ETV6: variants seen among roughly 807,000 people sequenced by gnomAD.
ETV6 encodes the protein ETS variant transcription factor 6.
Under a neutral mutation model 51.1 loss-of-function variants are expected in ETV6, and 16 were observed. The ratio of observed to expected loss-of-function variants is 0.31; its 90% CI spans 0.21 to 0.48. ETV6 has a LOEUF of 0.48. ETV6 is among the 20% of genes least tolerant of loss of function. The pLI is 0.99. For synonymous variants in ETV6, 240 were observed against 224.1 expected (o/e 1.07, Z -0.64); for missense variants, 458 against 594.8 (o/e 0.77, Z 2.39).
At position 11,891,725 on chromosome 12, in the gene ETV6, C is replaced by A; in HGVS notation, c.*679C>A. ...CTGCCTGCAGTTGAGATTCAGATGCCTTCTGACAGAGTTCAGCCTCTTGGA... is the reference window on the plus strand; with the variant it reads ...CTGCCTGCAGTTGAGATTCAGATGCATTCTGACAGAGTTCAGCCTCTTGGA... On this transcript the variant is annotated 3_prime_UTR_variant, in exon 8 of 8. Transcript: ENST00000396373. The A allele has an allele frequency of 7.0e-6, 3 of 427,864 alleles. No individual in the cohort carries two copies. The highest frequency in any genetic ancestry group is 3.3e-4 in the Middle Eastern group (1 of 3,024). 26.5% of individuals were successfully genotyped at this position (427,864 alleles called of 1,614,324 possible).
At chr12:11,807,202 A>C (rs1402985519) in intron 2 of ETV6, among the ~76,000 whole-genome samples, 1 of 152,266 alleles carries the variant, frequency 6.6e-6, no homozygotes, top group East Asian at 1.9e-4. Flanking sequence ...AGCTCAGTAG[A>C]AACCACTTTC....
chr12:11,827,561 C>A (rs530285886), intron 2 of ETV6, among the ~76,000 whole-genome samples: 22 of 152,260 alleles, frequency 1.4e-4, no homozygotes, highest in African/African-American at 5.1e-4. Flanking sequence ...CCCCACACCT[C>A]CTGTCCACCT....
At chr12:11,870,453 G>A (rs1156411022) in intron 5 of ETV6, among the ~76,000 whole-genome samples, 2 of 152,132 alleles carry the variant, frequency 1.3e-5, no homozygotes, top group Non-Finnish European at 2.9e-5. Flanking sequence ...TTGGAGGCAG[G>A]TGTTGCTGGG....
intron 2 of ETV6, among the ~76,000 whole-genome samples, chr12:11,772,639 G>C (rs1945258690): frequency 6.6e-6 from 1 of 152,208 alleles, no homozygotes; most frequent in South Asian, 2.1e-4. Flanking sequence ...CTATGGACTT[G>C]ATATTGACTA....
At chr12:11,826,160 G>A (rs1242779376) in intron 2 of ETV6, among the ~76,000 whole-genome samples, 3 of 152,054 alleles carry the variant, frequency 2.0e-5, no homozygotes, top group African/African-American at 7.2e-5. Flanking sequence ...ACAAATAGTA[G>A]GGTAGCAGGA....
chr12:11,685,183 T>C (rs1591607294), intron 1 of ETV6, among the ~76,000 whole-genome samples: 1 of 152,314 alleles, frequency 6.6e-6, no homozygotes, highest in South Asian at 2.1e-4. Context: ...GTTATAGTCA[T>C]TTGTAATGTG....
At chr12:11,844,161 T>A (rs1372976862) in intron 3 of ETV6, among the ~76,000 whole-genome samples, 1 of 152,136 alleles carries the variant, frequency 6.6e-6, no homozygotes, top group African/African-American at 2.4e-5. Flanking sequence ...TACTTAGGGT[T>A]ATCCATTGCA....
At chr12:11,814,303 C>T (rs1388669000) in intron 2 of ETV6, among the ~76,000 whole-genome samples, 1 of 152,050 alleles carries the variant, frequency 6.6e-6, no homozygotes, top group African/African-American at 2.4e-5. Context: ...AGGGCAGTAC[C>T]AACTTAAAAT....
At chr12:11,816,308 C>A (rs757083232) in intron 2 of ETV6, among the ~76,000 whole-genome samples, 1 of 152,178 alleles carries the variant, frequency 6.6e-6, no homozygotes, top group Non-Finnish European at 1.5e-5. Flanking sequence ...GCAATGGCGC[C>A]GTCTCGGCTC....
chr12:11,845,450 G>A (rs541462449), intron 3 of ETV6, among the ~76,000 whole-genome samples: 1 of 152,234 alleles, frequency 6.6e-6, no homozygotes, highest in South Asian at 2.1e-4. Context: ...ATATCCAGCT[G>A]TAATTGTCTT....
intron 5 of ETV6, among the ~76,000 whole-genome samples, chr12:11,882,299 C>G (rs1252755302): frequency 6.6e-6 from 1 of 152,310 alleles, no homozygotes; most frequent in South Asian, 2.1e-4. Flanking sequence ...AAAAGATACA[C>G]TGAGCAGGTG....
chr12:11,683,579 T>C (rs1011229071), intron 1 of ETV6, among the ~76,000 whole-genome samples: 2 of 152,170 alleles, frequency 1.3e-5, no homozygotes, highest in African/African-American at 4.8e-5. Flanking sequence ...CACTAGACTG[T>C]ATTATTTTCT....
At chr12:11,664,651 A>C (rs2120661751) in intron 1 of ETV6, among the ~76,000 whole-genome samples, 1 of 152,340 alleles carries the variant, frequency 6.6e-6, no homozygotes, top group South Asian at 2.1e-4. Context: ...ATGCACTAAC[A>C]GACTCTTCCC....
intron 2 of ETV6, among the ~76,000 whole-genome samples, chr12:11,754,598 C>T (rs77355907): frequency 0.031 from 4,650 of 152,356 alleles, 55 homozygotes; most frequent in Middle Eastern, 0.034. Context: ...GCATACAATA[C>T]TGTGTGTTGA....
At chr12:11,848,051 A>G (rs1391616097) in intron 3 of ETV6, among the ~76,000 whole-genome samples, 2 of 152,242 alleles carry the variant, frequency 1.3e-5, no homozygotes, top group Non-Finnish European at 2.9e-5. Flanking sequence ...TAAATACAAA[A>G]GTACTGAAAC....
intron 2 of ETV6, among the ~76,000 whole-genome samples, chr12:11,816,576 G>A (rs560356659): frequency 7.2e-5 from 11 of 152,258 alleles, no homozygotes; most frequent in East Asian, 1.9e-4. Flanking sequence ...TCATTGCCTC[G>A]TTCTTGGTTC....
intron 2 of ETV6, among the ~76,000 whole-genome samples, chr12:11,771,318 G>C (rs1025439207): frequency 6.6e-6 from 1 of 152,214 alleles, no homozygotes; most frequent in East Asian, 1.9e-4. Context: ...ATTGCTGTGT[G>C]TCAACTTTGT....
At chr12:11,884,219 C>T (rs1034781521) in intron 5 of ETV6, among the ~76,000 whole-genome samples, 12 of 152,180 alleles carry the variant, frequency 7.9e-5, no homozygotes, top group South Asian at 2.1e-4. Context: ...GGGAGGCTGT[C>T]GCCTGGATCA....
rs1281326412 is a variant in ETV6 at position 11,869,850 on chromosome 12, T to G, written c.890T>G (p.Leu297Arg). The change falls in exon 5 of 8, where the codon CTG becomes CGG. Residue 297 changes from leucine to arginine, a missense_variant. By Grantham distance (102) the Leu-to-Arg change is moderately radical (BLOSUM62 -2). Around this residue, in one of 4 missense-constraint regions of ETV6, gnomAD observed 293 missense variants for 315.7 expected, o/e 0.93. Coordinates refer to ENST00000396373, the MANE Select transcript of ETV6 (RefSeq NM_001987.5). The surrounding 1 kb of genome is among the most constrained non-coding windows in gnomAD (Gnocchi z 5.0). ...CAGTCCAGGCTCTCCGAGGACGGGCTGCATAGGGAAGGGAAGCCCATCAAC... is the reference window on the plus strand; with the variant it reads ...CAGTCCAGGCTCTCCGAGGACGGGCGGCATAGGGAAGGGAAGCCCATCAAC... ...FKQSRLSEDG[L>R]HREGKPINLS... 3.7e-6 allele frequency: 6 copies of G among 1,613,228 alleles called. No homozygotes were observed. The highest frequency in any genetic ancestry group is 5.1e-6 in the Non-Finnish European group (6 of 1,180,044).
Sources: allele counts gnomAD v4.1 joint callset (sites outside exome capture counted in the v4.1 genomes callset), GRCh38; gene constraint gnomAD v4.1.1; regional missense constraint gnomAD v4.1.1; non-coding constraint Gnocchi (gnomAD v3.1); transcripts MANE v1.5; gene names NCBI Gene and HGNC (gene_info 2026-07-23, HGNC 2026-07-21).